Variants in SMAP1 observed in about 807,000 individuals in gnomAD.
SMAP1 encodes small ArfGAP 1, also known as stromal membrane-associated protein 1.
In SMAP1, 24 loss-of-function variants were observed where a neutral mutation model predicts 58.5. That is an observed-to-expected ratio of 0.41 (90% confidence interval 0.30 to 0.58). SMAP1 has a LOEUF of 0.58. SMAP1 is among the 20% of genes least tolerant of loss of function. The probability of loss-of-function intolerance (pLI) is 0.29; values close to 1 mark genes in which losing one functional copy is unlikely to be tolerated. For missense variants in SMAP1, 563 were observed against 566.3 expected (o/e 0.99, Z 0.06); for synonymous variants, 216 against 196.6 (o/e 1.10, Z -0.82).
chr6:70,813,761 A>T (rs982397178), intron 6 of SMAP1, among the ~76,000 whole-genome samples: 1 of 152,112 alleles, frequency 6.6e-6, no homozygotes, highest in African/African-American at 2.4e-5. Flanking sequence ...CTCCCAGAAA[A>T]TTTTTAAAAT....
intron 6 of SMAP1, among the ~76,000 whole-genome samples, chr6:70,805,382 A>T (rs1769076821): frequency 6.6e-6 from 1 of 152,076 alleles, no homozygotes; most frequent in African/African-American, 2.4e-5. Context: ...TACACTGTTT[A>T]TTCTAGTTAG....
intron 1 of SMAP1, among the ~76,000 whole-genome samples, chr6:70,713,731 C>T (rs1577109): frequency 1.3e-5 from 2 of 151,744 alleles, no homozygotes; most frequent in African/African-American, 4.8e-5. Context: ...TTGAGTAGAA[C>T]GTTCTGTATA....
intron 1 of SMAP1, among the ~76,000 whole-genome samples, chr6:70,711,383 G>T (rs1768051012): frequency 6.6e-6 from 1 of 152,126 alleles, no homozygotes; most frequent in Admixed American, 6.5e-5. Flanking sequence ...TGATTGAAAG[G>T]TCATTATGCA....
intron 7 of SMAP1, among the ~76,000 whole-genome samples, chr6:70,850,671 A>G (rs1389395569): frequency 6.6e-6 from 1 of 152,098 alleles, no homozygotes; most frequent in East Asian, 1.9e-4. Flanking sequence ...TCTGTAGCTC[A>G]TGAGTTAAAT....
chr6:70,823,425 G>A (rs528620095), intron 6 of SMAP1, among the ~76,000 whole-genome samples: 2 of 152,232 alleles, frequency 1.3e-5, no homozygotes, highest in Admixed American at 1.3e-4. Flanking sequence ...CTCTAGGTAG[G>A]TTAAGCTCTA....
chr6:70,820,979 C>T (rs987378943), intron 6 of SMAP1, among the ~76,000 whole-genome samples: 2 of 152,064 alleles, frequency 1.3e-5, no homozygotes, highest in Admixed American at 6.6e-5. Context: ...TGGATTTAGA[C>T]CTTGTAAAGT....
intron 1 of SMAP1, among the ~76,000 whole-genome samples, chr6:70,701,365 C>T (rs1767620719): frequency 2.0e-5 from 3 of 152,234 alleles, no homozygotes; most frequent in Admixed American, 2.0e-4. Flanking sequence ...CATGCCTGGC[C>T]TGGTGTCTTA....
At chr6:70,722,564 T>C (rs1768576111) in intron 1 of SMAP1, among the ~76,000 whole-genome samples, 1 of 152,196 alleles carries the variant, frequency 6.6e-6, no homozygotes, top group Non-Finnish European at 1.5e-5. Context: ...GACAGAAATA[T>C]AGCCTGTGGA....
intron 6 of SMAP1, among the ~76,000 whole-genome samples, chr6:70,816,667 A>G (rs1021587035): frequency 2.0e-5 from 3 of 152,184 alleles, no homozygotes; most frequent in African/African-American, 7.2e-5. Context: ...GAAACAAAAC[A>G]AAATGTCCTG....
chr6:70,673,714 G>C (rs1351175558), intron 1 of SMAP1, among the ~76,000 whole-genome samples: 1 of 152,212 alleles, frequency 6.6e-6, no homozygotes, highest in Admixed American at 6.5e-5. Context: ...CTCAAAATGT[G>C]AAACTTCAGT....
chr6:70,824,142 C>T (rs1277118757), intron 6 of SMAP1, among the ~76,000 whole-genome samples: 1 of 152,174 alleles, frequency 6.6e-6, no homozygotes, highest in Non-Finnish European at 1.5e-5. Context: ...CTTATGACTT[C>T]ACTTCTTTGA....
intron 1 of SMAP1, among the ~76,000 whole-genome samples, chr6:70,725,529 G>T (rs1042117375): frequency 6.6e-6 from 1 of 152,152 alleles, no homozygotes; most frequent in Non-Finnish European, 1.5e-5. Context: ...CAAAGGGCCT[G>T]TGGTATGGAA....
intron 6 of SMAP1, among the ~76,000 whole-genome samples, chr6:70,812,062 T>G (rs899425962): frequency 6.6e-6 from 1 of 152,214 alleles, no homozygotes; most frequent in Non-Finnish European, 1.5e-5. Context: ...TTAAAACTTA[T>G]GAATTGCTTA....
At chr6:70,795,169 A>G (rs1201184152) in intron 5 of SMAP1, among the ~76,000 whole-genome samples, 1 of 152,158 alleles carries the variant, frequency 6.6e-6, no homozygotes, top group Non-Finnish European at 1.5e-5. Flanking sequence ...TTCTGGTGTT[A>G]AAGAGTATCA....
At chr6:70,790,524 G>T (rs747745944) in intron 4 of SMAP1, among the ~76,000 whole-genome samples, 27 of 152,032 alleles carry the variant, frequency 1.8e-4, no homozygotes, top group Non-Finnish European at 1.3e-4. Flanking sequence ...TTTTATGGAA[G>T]ATCTACATTT....
intron 5 of SMAP1, among the ~76,000 whole-genome samples, chr6:70,798,403 T>C (rs565212056): frequency 5.6e-4 from 85 of 152,090 alleles, no homozygotes; most frequent in African/African-American, 2.0e-3. Flanking sequence ...AACCCTACTA[T>C]ATCAAAGAAG....
intron 1 of SMAP1, among the ~76,000 whole-genome samples, chr6:70,689,758 G>A (rs1767081560): frequency 6.6e-6 from 1 of 151,998 alleles, no homozygotes; most frequent in Admixed American, 6.6e-5. Flanking sequence ...GTATTTTATA[G>A]TTTTCAGTGT....
At chr6:70,826,738 A>G (rs1468750631) in intron 6 of SMAP1, among the ~76,000 whole-genome samples, 1 of 152,082 alleles carries the variant, frequency 6.6e-6, no homozygotes, top group African/African-American at 2.4e-5. Context: ...CCTGGATGAC[A>G]GAGTGAGGCT....
At chr6:70,810,626 G>C (rs868593649) in intron 6 of SMAP1, among the ~76,000 whole-genome samples, 2 of 152,116 alleles carry the variant, frequency 1.3e-5, no homozygotes, top group Middle Eastern at 3.4e-3. Context: ...ATTCAGGCTG[G>C]AGGGCAGTGG....
Sources: allele counts gnomAD v4.1 joint callset (sites outside exome capture counted in the v4.1 genomes callset), GRCh38; gene constraint gnomAD v4.1.1; transcripts MANE v1.5; gene names NCBI Gene and HGNC (gene_info 2026-07-23, HGNC 2026-07-21).